DLC1: variants seen among roughly 807,000 people sequenced by gnomAD.
DLC1 encodes the protein rho GTPase-activating protein 7.
A neutral mutation model predicts 140.3 loss-of-function variants in DLC1; 54 were observed. That is an observed-to-expected ratio of 0.38 (90% CI 0.31 to 0.48). The LOEUF (loss-of-function observed/expected upper bound fraction) is 0.48, where lower values mean the gene tolerates loss of function less well. DLC1 is among the 20% of genes least tolerant of loss of function. The pLI is 0.96. For synonymous variants in DLC1, 986 were observed against 728.1 expected (o/e 1.35, Z -5.70); for missense variants, 2,536 against 1,907.0 (o/e 1.33, Z -6.14).
At chr8:13,409,153 A>G (rs1837684364) in intron 2 of DLC1, among the ~76,000 whole-genome samples, 1 of 152,116 alleles carries the variant, frequency 6.6e-6, no homozygotes, top group African/African-American at 2.4e-5. Context: ...TAATATTTGT[A>G]GTTATTATTT....
chr8:13,463,122 T>G (rs992993631), intron 2 of DLC1, among the ~76,000 whole-genome samples: 3 of 152,024 alleles, frequency 2.0e-5, no homozygotes, highest in Admixed American at 2.0e-4. Context: ...TGGTTTTATT[T>G]ATTTATTTAT....
intron 5 of DLC1, among the ~76,000 whole-genome samples, chr8:13,302,283 G>T (rs995731446): frequency 6.6e-6 from 1 of 152,212 alleles, no homozygotes; most frequent in African/African-American, 2.4e-5. Context: ...ATGGGGCAGA[G>T]GCCATGCCTT....
rs1394249407 is a variant in DLC1 at position 13,272,643 on chromosome 8, C to T, written c.1348+32626G>A. On this transcript the variant is annotated intron_variant, in intron 5 of 17. Coordinates refer to ENST00000276297, the MANE Select transcript of DLC1 (RefSeq NM_182643.3). ...TTGGGAGGCCGAGGCAGTCGGATCA[C>T]GAGGTCAAGAGATCGAGACCATCCT... Among the ~76,000 whole-genome samples the T allele has an allele frequency of 2.6e-5, 4 of 151,922 alleles. No individual in the cohort carries two copies. The East Asian group carries it at 5.8e-4, about 22-fold the overall frequency.
chr8:13,493,682 AAACTTATTTTCTAG>A (rs2117175568), intron 2 of DLC1, among the ~76,000 whole-genome samples: 1 of 152,282 alleles, frequency 6.6e-6, no homozygotes, highest in Non-Finnish European at 1.5e-5. Flanking sequence ...TTTACATTGT[AAACTTATTTTCTAG>A]AACTTATTTT....
chr8:13,309,752 C>T (rs1832594926), intron 4 of DLC1, among the ~76,000 whole-genome samples: 1 of 152,140 alleles, frequency 6.6e-6, no homozygotes, highest in African/African-American at 2.4e-5. Context: ...TAGGAACTCA[C>T]ACCAACCGCA....
intron 5 of DLC1, among the ~76,000 whole-genome samples, chr8:13,177,845 A>G (rs1825834810): frequency 6.6e-6 from 1 of 152,228 alleles, no homozygotes; most frequent in Admixed American, 6.5e-5. Context: ...TAATATTTGG[A>G]TAATAGATTA....
intron 2 of DLC1, among the ~76,000 whole-genome samples, chr8:13,410,477 A>G (rs1347461260): frequency 6.6e-6 from 1 of 152,134 alleles, no homozygotes; most frequent in African/African-American, 2.4e-5. Context: ...AAAATCTGAT[A>G]ATTTCAACAA....
At chr8:13,132,960 G>A (rs1197067441) in intron 5 of DLC1, 8 of 1,610,914 alleles carry the variant, frequency 5.0e-6, no homozygotes, top group East Asian at 2.2e-5. Context: ...GGATCATGGT[G>A]TCCGGCTTCT....
chr8:13,576,400 C>A (rs1237156969), intron 1 of DLC1, among the ~76,000 whole-genome samples: 1 of 151,960 alleles, frequency 6.6e-6, no homozygotes, highest in Non-Finnish European at 1.5e-5. Flanking sequence ...GGACACAATT[C>A]CAGAAGGAAC....
At chr8:13,404,937 G>A (rs1837456854) in intron 2 of DLC1, among the ~76,000 whole-genome samples, 1 of 152,060 alleles carries the variant, frequency 6.6e-6, no homozygotes, top group African/African-American at 2.4e-5. Flanking sequence ...AACCTGGGAG[G>A]CAGAGGCAGC....
chr8:13,214,587 G>A (rs1382402193), intron 5 of DLC1: 2 of 680,514 alleles, frequency 2.9e-6, no homozygotes, highest in African/African-American at 1.9e-5. Flanking sequence ...GGCTGCCCGA[G>A]GAAATTGGAG....
chr8:13,251,661 C>T (rs1830010711), intron 5 of DLC1, among the ~76,000 whole-genome samples: 1 of 151,932 alleles, frequency 6.6e-6, no homozygotes, highest in Non-Finnish European at 1.5e-5. Context: ...ATCTTGTCAG[C>T]TGTGGGGTCA....
At chr8:13,380,660 G>A (rs1836210183) in intron 4 of DLC1, among the ~76,000 whole-genome samples, 1 of 152,190 alleles carries the variant, frequency 6.6e-6, no homozygotes, top group Non-Finnish European at 1.5e-5. Flanking sequence ...CAGCAGAGAT[G>A]AAATGTGCTC....
chr8:13,298,064 A>G (rs542889347), intron 5 of DLC1, among the ~76,000 whole-genome samples: 69 of 152,150 alleles, frequency 4.5e-4, no homozygotes, highest in Middle Eastern at 3.4e-3. Context: ...TTTCATTTCT[A>G]TTTTCTGTCT....
intron 5 of DLC1, among the ~76,000 whole-genome samples, chr8:13,125,177 A>G (rs1261664420): frequency 6.6e-6 from 1 of 152,114 alleles, no homozygotes. Flanking sequence ...GGGTTTCGCC[A>G]TGTTGGCCAG....
At chr8:13,566,627 G>A (rs1444676779) in intron 1 of DLC1, among the ~76,000 whole-genome samples, 6 of 152,162 alleles carry the variant, frequency 3.9e-5, no homozygotes, top group Admixed American at 2.0e-4. Context: ...TCTCACACAC[G>A]TGTGCCACCT....
intron 5 of DLC1, among the ~76,000 whole-genome samples, chr8:13,220,950 G>A (rs1444429053): frequency 1.3e-5 from 2 of 152,196 alleles, no homozygotes; most frequent in East Asian, 3.8e-4. Context: ...GCTGTGGGCA[G>A]AGTGATGAAA....
chr8:13,095,957 G>C (rs1319559289), intron 10 of DLC1: 8 of 151,898 alleles, frequency 5.3e-5, no homozygotes, highest in Non-Finnish European at 1.2e-4. Flanking sequence ...GATGGAAAAG[G>C]AACAATGGGG....
intron 5 of DLC1, among the ~76,000 whole-genome samples, chr8:13,208,178 T>C (rs17126956): frequency 0.035 from 5,261 of 152,238 alleles, 303 homozygotes; most frequent in African/African-American, 0.12. Flanking sequence ...GGTGTTATTG[T>C]TTTTAGGTAC....
Sources: gnomAD v4.1 joint callset for allele counts (sites outside exome capture counted in the v4.1 genomes callset) on GRCh38, gnomAD v4.1.1 for gene constraint, MANE v1.5 for transcripts, NCBI Gene and HGNC (gene_info 2026-07-23, HGNC 2026-07-21) for gene names.